The following NEMF variants were observed in gnomAD, a reference collection of about 807,000 sequenced individuals.
NEMF encodes nuclear export mediator factor.
A neutral mutation model predicts 162.2 loss-of-function variants in NEMF; 89 were observed. The ratio of observed to expected loss-of-function variants is 0.55; its 90% confidence interval spans 0.46 to 0.65. The LOEUF (loss-of-function observed/expected upper bound fraction) is 0.65. NEMF is among the 30% of genes least tolerant of loss of function. The probability of loss-of-function intolerance (pLI) is 0.00; values close to 1 mark genes in which losing one functional copy is unlikely to be tolerated. For missense variants in NEMF, 1,133 were observed against 1,261.9 expected, an observed-to-expected ratio of 0.90 and a Z score of 1.55; for synonymous variants, 421 against 404.5, an observed-to-expected ratio of 1.04 and a Z score of -0.49.
At chr14:49,822,778 G>A (rs1291491735) in intron 16 of NEMF, among the ~76,000 whole-genome samples, 2 of 150,804 alleles carry the variant, frequency 1.3e-5, no homozygotes, top group African/African-American at 4.9e-5. Context: ...GATAGATTGT[G>A]GAAAGCCTAC....
chr14:49,789,119 A>C lies in NEMF; in HGVS notation c.2895+27T>G, dbSNP rs1297308635. On this transcript the variant is annotated intron_variant, in intron 28 of 32. Transcript: ENST00000298310. ...AGGATGGGTAATCACCCTAATTAAGAAGCAGAAGCCCACAAAGTAGCCATA... is the reference window on the plus strand; with the variant it reads ...AGGATGGGTAATCACCCTAATTAAGCAGCAGAAGCCCACAAAGTAGCCATA... 2.5e-6 allele frequency: 4 copies of C among 1,597,982 alleles called. No individual in the cohort carries two copies. In the South Asian group the frequency reaches 3.3e-5, roughly 13 times the overall value.
Position 49,789,238 on chromosome 14 carries a change from CCCTCTG to C in NEMF, c.2797_2802del (p.Gln933_Arg934del). 6.2e-7 allele frequency: 1 copy of C among 1,614,036 alleles called. No individual in the cohort carries two copies. The highest frequency in any genetic ancestry group is 8.5e-7 in the Non-Finnish European group (1 of 1,179,900). ...GTTTCTTTCTTAATGTTGTCAGAGA[CCCTCTG>C]TCCACCTCTAGGTTTCTGGGGCTGT... On this transcript the variant is annotated inframe_deletion, in exon 28 of 33. Coordinates refer to ENST00000298310, the MANE Select transcript of NEMF (RefSeq NM_004713.6).
At chr14:49,833,320 C>A in intron 8 of NEMF, 103 bp downstream of exon 8, 1 of 630,288 alleles carries the variant, frequency 1.6e-6, no homozygotes, top group Non-Finnish European at 2.5e-6. Context: ...AACAATTTTC[C>A]AAATTAAAAT....
intron 1 of NEMF, among the ~76,000 whole-genome samples, chr14:49,852,120 A>C (rs1012287001): frequency 6.6e-6 from 1 of 152,116 alleles, no homozygotes; most frequent in African/African-American, 2.4e-5. Flanking sequence ...AAATGACCCA[A>C]TTTTGGGGGA....
At chr14:49,813,665 GTGT>G (rs1566673257) in intron 18 of NEMF, among the ~76,000 whole-genome samples, 10 of 1,466 alleles carry the variant, frequency 6.8e-3, no homozygotes, top group South Asian at 0.036. Flanking sequence ...TTTATTAGGT[GTGT>G]GTGTGTGTGT....
At chr14:49,851,959 G>A (rs921606910) in intron 1 of NEMF, 84 bp from the exon 2 acceptor site, 1 of 842,098 alleles carries the variant, frequency 1.2e-6, no homozygotes, top group Non-Finnish European at 1.9e-6. Context: ...AGCTTCGAAA[G>A]AGCGGATCTC....
intron 3 of NEMF, chr14:49,849,578 G>A (rs1431431330): frequency 1.3e-5 from 2 of 152,208 alleles, no homozygotes; most frequent in African/African-American, 2.4e-5. Context: ...CATTTAGATT[G>A]ACACGTACAC....
intron 28 of NEMF, among the ~76,000 whole-genome samples, chr14:49,788,836 C>T (rs1031272764): frequency 1.3e-5 from 2 of 152,082 alleles, no homozygotes; most frequent in Admixed American, 6.6e-5. Flanking sequence ...GGATTACAGG[C>T]GTGAGCCACC....
At chr14:49,790,772 C>T (rs1219223501) in intron 26 of NEMF, among the ~76,000 whole-genome samples, 1 of 151,966 alleles carries the variant, frequency 6.6e-6, no homozygotes, top group Non-Finnish European at 1.5e-5. Flanking sequence ...GGTGGATCAC[C>T]TGAGGTCAGG....
chr14:49,839,751 A>T (rs1186845055), intron 5 of NEMF: 2 of 152,234 alleles, frequency 1.3e-5, no homozygotes, highest in African/African-American at 4.8e-5. Context: ...CACATATACT[A>T]AAATTAGAAC....
At chr14:49,835,866 T>C (rs1892873168) in intron 6 of NEMF, among the ~76,000 whole-genome samples, 1 of 152,068 alleles carries the variant, frequency 6.6e-6, no homozygotes, top group Non-Finnish European at 1.5e-5. Flanking sequence ...TATGCAAAAA[T>C]GAAATTAAGA....
chr14:49,806,755 A>G (rs897702626), intron 18 of NEMF, among the ~76,000 whole-genome samples: 1 of 152,216 alleles, frequency 6.6e-6, no homozygotes, highest in Non-Finnish European at 1.5e-5. Flanking sequence ...AAGATAATTT[A>G]GAGAAATCCA....
intron 11 of NEMF, 127 bp from the exon 12 acceptor site, chr14:49,829,553 T>A: frequency 2.6e-6 from 2 of 755,954 alleles, no homozygotes; most frequent in Non-Finnish European, 4.3e-6. Flanking sequence ...GAAGTTCCCA[T>A]AGTCTACCAC....
chr14:49,792,814 A>G (rs2139835515), intron 26 of NEMF, among the ~76,000 whole-genome samples: 1 of 152,160 alleles, frequency 6.6e-6, no homozygotes, highest in Non-Finnish European at 1.5e-5. Flanking sequence ...CTGTCTCTAA[A>G]AATAATAAAA....
At chr14:49,800,211 G>C (rs1453094273) in intron 23 of NEMF, among the ~76,000 whole-genome samples, 2 of 151,856 alleles carry the variant, frequency 1.3e-5, no homozygotes, top group East Asian at 1.9e-4. Flanking sequence ...TTTCTATTTG[G>C]ATCTAGTTTG....
intron 3 of NEMF, chr14:49,849,846 A>G (rs1893685322): frequency 6.6e-6 from 1 of 152,214 alleles, no homozygotes; most frequent in Non-Finnish European, 1.5e-5. Context: ...AGGCCCCAAA[A>G]GAACTATTTT....
intron 18 of NEMF, among the ~76,000 whole-genome samples, chr14:49,811,736 TATTAC>T (rs1891489154): frequency 1.3e-5 from 2 of 151,330 alleles, no homozygotes; most frequent in Middle Eastern, 3.4e-3. Flanking sequence ...TAGTAGATTA[TATTAC>T]ATTAATTTCC....
intron 18 of NEMF, among the ~76,000 whole-genome samples, chr14:49,811,473 A>G (rs1891475500): frequency 6.6e-6 from 1 of 152,130 alleles, no homozygotes; most frequent in South Asian, 2.1e-4. Context: ...AACCACCAGT[A>G]TAATGTTAAA....
chr14:49,829,588 G>A (rs1024627307), intron 11 of NEMF, among the ~76,000 whole-genome samples, 162 bp from the exon 12 acceptor site: 3 of 152,002 alleles, frequency 2.0e-5, no homozygotes, highest in Non-Finnish European at 4.4e-5. Context: ...ACTACAATGC[G>A]TTCCATGCCC....
Sources: gnomAD v4.1 joint callset for allele counts (sites outside exome capture counted in the v4.1 genomes callset) on GRCh38, gnomAD v4.1.1 for gene constraint, MANE v1.5 for transcripts, NCBI Gene and HGNC (gene_info 2026-07-23, HGNC 2026-07-21) for gene names.